PTPRJ: variants seen among roughly 807,000 people sequenced by gnomAD.
PTPRJ encodes receptor-type tyrosine-protein phosphatase eta.
In PTPRJ, 129 loss-of-function variants were observed where a neutral mutation model predicts 141.3. That is an observed-to-expected ratio of 0.91 (90% confidence interval 0.79 to 1.06). The LOEUF is 1.06. Ranked by LOEUF, PTPRJ falls within the 50% of genes least tolerant of loss-of-function variation. PTPRJ has a pLI of 0.00. For missense variants in PTPRJ, 1,601 were observed against 1,679.7 expected (o/e 0.95, Z 0.82); for synonymous variants, 610 against 640.5 (o/e 0.95, Z 0.72).
At position 47,980,603 on chromosome 11, in the gene PTPRJ, C is replaced by G. The variant is rs941220245; in HGVS notation, c.-310C>G. The stretch of plus-strand genomic sequence containing the variant: ...GCGGAGGAGGCAGCGGGAGCAGCCG[C>G]GGGAGCCGGGACCGGGTAGCCGCGC... On this transcript the variant is annotated 5_prime_UTR_variant, in exon 1 of 25. Transcript: ENST00000418331. 2.2e-5 allele frequency: 22 copies of G among 983,120 alleles called. No homozygotes were observed. The highest frequency in any genetic ancestry group is 3.5e-5 in the African/African-American group (2 of 56,900). 60.9% of individuals were successfully genotyped at this position (983,120 alleles called of 1,614,324 possible).
At position 47,980,703 on chromosome 11, in the gene PTPRJ, C is replaced by A; in HGVS notation, c.-210C>A. The A allele has an allele frequency of 1.0e-6, 1 of 994,566 alleles. No homozygotes were observed. 61.6% of individuals were successfully genotyped at this position (994,566 alleles called of 1,614,324 possible). ...AGGGACGCGGCCCCCCCGCGGCAGC[C>A]GCGCTAGGCTCCGGCGTGTGGCCGC... On this transcript the variant is annotated 5_prime_UTR_variant, in exon 1 of 25. Transcript: ENST00000418331.
At chr11:47,984,561 G>C (rs1241243894) in intron 1 of PTPRJ, among the ~76,000 whole-genome samples, 5 of 150,650 alleles carry the variant, frequency 3.3e-5, no homozygotes, top group Admixed American at 2.6e-4. Context: ...TTGTTTATTT[G>C]TTTGTTTTTT....
intron 1 of PTPRJ, among the ~76,000 whole-genome samples, chr11:48,056,807 A>C (rs1290270333): frequency 1.3e-5 from 2 of 152,192 alleles, no homozygotes; most frequent in East Asian, 3.9e-4. Flanking sequence ...CAAAAGAATT[A>C]GCTGGGTGTA....
chr11:48,168,566 A>ATATG lies in PTPRJ; in HGVS notation c.*1207_*1208insGTAT, dbSNP rs1857978709. 1 of 125,650 alleles carries ATATG rather than the reference A, an allele frequency of 8.0e-6. No homozygotes were observed. The highest frequency in any genetic ancestry group is 3.0e-5 in the African/African-American group (1 of 33,500). The allele number at this position is 125,650 out of a possible 1,614,324, so 7.8% of individuals were successfully genotyped here. On this transcript the variant is annotated 3_prime_UTR_variant, in exon 25 of 25. Coordinates refer to ENST00000418331, the MANE Select transcript of PTPRJ (RefSeq NM_002843.4). ...TATATATATATATATATATATATAT[A>ATATG]TATATATATATATATACACTAAGCT... is the stretch of plus-strand genomic sequence containing the variant.
At chr11:48,093,248 G>C (rs1218542680) in intron 1 of PTPRJ, among the ~76,000 whole-genome samples, 1 of 152,166 alleles carries the variant, frequency 6.6e-6, no homozygotes, top group Non-Finnish European at 1.5e-5. Flanking sequence ...CATAGAATGA[G>C]GGAAATGTTT....
chr11:48,143,664 A>C (rs1186065378), intron 12 of PTPRJ, among the ~76,000 whole-genome samples: 1 of 152,144 alleles, frequency 6.6e-6, no homozygotes, highest in African/African-American at 2.4e-5. Flanking sequence ...GCTCTGTTAC[A>C]TTCTTTTGTG....
intron 1 of PTPRJ, among the ~76,000 whole-genome samples, chr11:48,061,756 G>A (rs1485579184): frequency 6.6e-6 from 1 of 151,874 alleles, no homozygotes; most frequent in African/African-American, 2.4e-5. Context: ...TTATTATTGG[G>A]GAAAAATACC....
At chr11:47,993,824 A>G (rs1438934366) in intron 1 of PTPRJ, among the ~76,000 whole-genome samples, 1 of 150,360 alleles carries the variant, frequency 6.7e-6, no homozygotes, top group Non-Finnish European at 1.5e-5. Context: ...TTCCCATCAA[A>G]CAGTTCATTT....
rs1445037975 is a variant in PTPRJ, at chr11:48,164,360, T to A, written c.3720-20T>A. 1.2e-6 allele frequency: 2 copies of A among 1,612,652 alleles called. No individual in the cohort carries two copies. The highest frequency in any genetic ancestry group is 2.7e-5 in the African/African-American group (2 of 74,846). On this transcript the variant is annotated intron_variant, in intron 23 of 24. Transcript: ENST00000418331. ...GTCGAGGGAACCCACTGTAATAGGC[T>A]TATTTCTCTTTTCTCTCAGTGCTGG...
chr11:47,987,738 G>A (rs1298547208), intron 1 of PTPRJ, among the ~76,000 whole-genome samples: 1 of 152,148 alleles, frequency 6.6e-6, no homozygotes, highest in African/African-American at 2.4e-5. Flanking sequence ...TTTTCCAGTG[G>A]CTTTACTGGT....
intron 8 of PTPRJ, chr11:48,132,758 C>T (rs1017592678): frequency 4.8e-5 from 46 of 962,034 alleles, no homozygotes; most frequent in Non-Finnish European, 5.2e-5. Context: ...AAATGAGTTA[C>T]GCTTTTGAGA....
At chr11:48,118,095 A>G (rs1856613417) in intron 3 of PTPRJ, among the ~76,000 whole-genome samples, 1 of 152,206 alleles carries the variant, frequency 6.6e-6, no homozygotes, top group African/African-American at 2.4e-5. Context: ...TACTGTTGTT[A>G]TTCTAAGAGA....
intron 6 of PTPRJ, among the ~76,000 whole-genome samples, chr11:48,127,194 A>G (rs536356160): frequency 3.3e-5 from 5 of 152,334 alleles, no homozygotes; most frequent in Admixed American, 2.6e-4. Context: ...GGCCCAGAGC[A>G]GGTGAGGGAA....
chr11:48,057,304 C>T (rs940546448), intron 1 of PTPRJ, among the ~76,000 whole-genome samples: 1 of 151,934 alleles, frequency 6.6e-6, no homozygotes, highest in Non-Finnish European at 1.5e-5. Context: ...GTTAGTTGTT[C>T]TTTTAAATGT....
chr11:48,088,385 T>C (rs1855771360), intron 1 of PTPRJ, among the ~76,000 whole-genome samples: 1 of 152,232 alleles, frequency 6.6e-6, no homozygotes, highest in Admixed American at 6.5e-5. Context: ...TTGTAATAAC[T>C]GCCATAAATT....
In PTPRJ at chr11:47,983,000, A is replaced by G. The variant is rs374075148; in HGVS notation, c.96+1992A>G. On this transcript the variant is annotated intron_variant, in intron 1 of 24. Transcript: ENST00000418331. The stretch of plus-strand genomic sequence containing the variant: ...AGTTCATTTTGATAATGGATATTTC[A>G]GGGAATCAGTGCATTTTTGAGCTGG... 1.6e-4 allele frequency among the ~76,000 whole-genome samples: 25 copies of G among 152,280 alleles called. No homozygotes were observed. In the East Asian group the frequency reaches 4.6e-3, roughly 28 times the overall value.
At chr11:48,014,632 G>C (rs1375433395) in intron 1 of PTPRJ, 1 of 152,200 alleles carries the variant, frequency 6.6e-6, no homozygotes, top group African/African-American at 2.4e-5. Context: ...CTGTGTATTA[G>C]GCATGTGAGT....
intron 24 of PTPRJ, among the ~76,000 whole-genome samples, chr11:48,164,815 CT>C (rs1483169481): frequency 6.6e-6 from 1 of 151,302 alleles, no homozygotes; most frequent in Non-Finnish European, 1.5e-5. Flanking sequence ...ATCTGCCTGC[CT>C]CAGTGTCCCG....
intron 1 of PTPRJ, among the ~76,000 whole-genome samples, chr11:48,022,837 A>G (rs1243833395): frequency 6.6e-6 from 1 of 152,124 alleles, no homozygotes; most frequent in East Asian, 1.9e-4. Flanking sequence ...GAAGTGTGGA[A>G]GTGGCTGAAT....
Sources: gnomAD v4.1 joint callset for allele counts (sites outside exome capture counted in the v4.1 genomes callset) on GRCh38, gnomAD v4.1.1 for gene constraint, MANE v1.5 for transcripts, NCBI Gene and HGNC (gene_info 2026-07-23, HGNC 2026-07-21) for gene names.